KSR2: variants seen among roughly 807,000 people sequenced by gnomAD.
The protein encoded by KSR2 is kinase suppressor of ras 2.
In KSR2, 25 loss-of-function variants were observed where a neutral mutation model predicts 107.8. The ratio of observed to expected loss-of-function variants is 0.23; its 90% CI spans 0.17 to 0.32. KSR2 has a LOEUF of 0.32. Among genes scored for constraint, KSR2 ranks in the 10% least tolerant of loss-of-function variants. The probability of loss-of-function intolerance (pLI) is 1.00; values close to 1 mark genes in which losing one functional copy is unlikely to be tolerated. For synonymous variants in KSR2, 480 were observed against 507.0 expected (o/e 0.95, Z 0.71); for missense variants, 887 against 1,268.9 (o/e 0.70, Z 4.57).
At chr12:117,565,883 T>C (rs901538483) in intron 7 of KSR2, among the ~76,000 whole-genome samples, 12 of 152,212 alleles carry the variant, frequency 7.9e-5, no homozygotes, top group Non-Finnish European at 1.5e-4. Context: ...AATTCAAGTT[T>C]CAGACTGCAA....
intron 14 of KSR2, among the ~76,000 whole-genome samples, chr12:117,521,754 G>A (rs530021092): frequency 6.6e-6 from 1 of 152,204 alleles, no homozygotes; most frequent in East Asian, 1.9e-4. Context: ...ATAAATCTAG[G>A]GTCCAAAAAT....
intron 4 of KSR2, among the ~76,000 whole-genome samples, chr12:117,705,078 G>T (rs1886470232): frequency 6.6e-6 from 1 of 152,112 alleles, no homozygotes; most frequent in Admixed American, 6.5e-5. Context: ...AGGCAGGCCA[G>T]GGCCTGCCTC....
intron 3 of KSR2, among the ~76,000 whole-genome samples, chr12:117,812,272 T>C (rs890595627): frequency 5.9e-5 from 9 of 152,208 alleles, no homozygotes; most frequent in Non-Finnish European, 8.8e-5. Context: ...GAACTTAAAA[T>C]GTCTCCGTAA....
At chr12:117,833,937 T>C (rs553668097) in intron 3 of KSR2, among the ~76,000 whole-genome samples, 25 of 149,880 alleles carry the variant, frequency 1.7e-4, no homozygotes, top group African/African-American at 6.1e-4. Flanking sequence ...AATACCAGCC[T>C]GGGCAACATG....
At chr12:117,951,160 G>A (rs370254155) in intron 1 of KSR2, among the ~76,000 whole-genome samples, 141 of 152,068 alleles carry the variant, frequency 9.3e-4, no homozygotes, top group African/African-American at 3.2e-3. Context: ...CGCCCACCTC[G>A]GCCTCCCAAA....
At chr12:117,549,307 CAATTA>C (rs1334082809) in intron 9 of KSR2, among the ~76,000 whole-genome samples, 1 of 152,052 alleles carries the variant, frequency 6.6e-6, no homozygotes. Context: ...AGCTGGAGGC[CAATTA>C]TATTACACGA....
At chr12:117,944,750 C>T (rs566656606) in intron 1 of KSR2, among the ~76,000 whole-genome samples, 1 of 151,894 alleles carries the variant, frequency 6.6e-6, no homozygotes, top group South Asian at 2.1e-4. Context: ...CCCAGCTACT[C>T]AGAAGGCTGA....
At chr12:117,604,316 C>T (rs1392342622) in intron 5 of KSR2, among the ~76,000 whole-genome samples, 1 of 152,156 alleles carries the variant, frequency 6.6e-6, no homozygotes, top group African/African-American at 2.4e-5. Context: ...GAATGGCCAC[C>T]CTGCCGGCTG....
intron 3 of KSR2, among the ~76,000 whole-genome samples, chr12:117,806,128 G>A (rs17585881): frequency 3.3e-5 from 5 of 152,030 alleles, no homozygotes; most frequent in Non-Finnish European, 5.9e-5. Context: ...AACAACGTCC[G>A]GCATTTCCTA....
At chr12:117,715,520 C>T (rs554111080) in intron 4 of KSR2, among the ~76,000 whole-genome samples, 10 of 152,288 alleles carry the variant, frequency 6.6e-5, no homozygotes, top group Admixed American at 3.3e-4. Flanking sequence ...GCCACTGGGA[C>T]AGGCAAGAGA....
At chr12:117,670,847 T>C (rs1884878472) in intron 4 of KSR2, among the ~76,000 whole-genome samples, 1 of 152,162 alleles carries the variant, frequency 6.6e-6, no homozygotes, top group Admixed American at 6.5e-5. Flanking sequence ...AGAGTGTTTC[T>C]ATCGTTTCTC....
intron 4 of KSR2, among the ~76,000 whole-genome samples, chr12:117,685,873 T>G (rs192425557): frequency 4.8e-4 from 73 of 151,624 alleles, no homozygotes; most frequent in Non-Finnish European, 1.0e-3. Context: ...CTAAGTTACC[T>G]TGGATTTTAA....
intron 5 of KSR2, among the ~76,000 whole-genome samples, chr12:117,597,125 A>G (rs1179635530): frequency 3.3e-5 from 5 of 152,176 alleles, no homozygotes; most frequent in Non-Finnish European, 7.3e-5. Context: ...CTCAAACAAG[A>G]GACAGCTGAA....
chr12:117,860,513 C>T (rs889990535), intron 1 of KSR2, 82 bp from the exon 2 acceptor site: 9 of 1,383,286 alleles, frequency 6.5e-6, no homozygotes, highest in African/African-American at 1.4e-5. Context: ...CCTACGAACC[C>T]CCACCCTAAA....
intron 4 of KSR2, chr12:117,674,313 G>A (rs754762866): frequency 2.6e-5 from 13 of 507,308 alleles, no homozygotes; most frequent in Admixed American, 8.0e-5. Context: ...CGCTGGAATC[G>A]CAGACTCACT....
chr12:117,524,130 T>G (rs1209927304), intron 14 of KSR2, among the ~76,000 whole-genome samples: 2 of 152,102 alleles, frequency 1.3e-5, no homozygotes, highest in Non-Finnish European at 2.9e-5. Flanking sequence ...AGTGGTTGAG[T>G]AGAGTAGCTG....
intron 4 of KSR2, among the ~76,000 whole-genome samples, chr12:117,731,321 C>CATGCG (rs1565984108): frequency 2.0e-5 from 3 of 150,028 alleles, no homozygotes; most frequent in Admixed American, 6.6e-5. Context: ...GCAGCCGCCC[C>CATGCG]GTCTGAGAAG....
At chr12:117,961,948 C>A (rs142111388) in intron 1 of KSR2, among the ~76,000 whole-genome samples, 1 of 152,056 alleles carries the variant, frequency 6.6e-6, no homozygotes, top group African/African-American at 2.4e-5. Flanking sequence ...AGTTTAAGAC[C>A]AGCCTGGGCA....
chr12:117,707,409 A>G (rs1046545531), intron 4 of KSR2, among the ~76,000 whole-genome samples: 1 of 152,238 alleles, frequency 6.6e-6, no homozygotes, highest in Non-Finnish European at 1.5e-5. Context: ...TGTGCAAACT[A>G]TATCTTGATA....
Sources: allele counts gnomAD v4.1 joint callset (sites outside exome capture counted in the v4.1 genomes callset), GRCh38; gene constraint gnomAD v4.1.1; transcripts MANE v1.5; gene names NCBI Gene and HGNC (gene_info 2026-07-23, HGNC 2026-07-21).